The following RBFOX1 variants were observed in gnomAD, a reference collection of about 807,000 sequenced individuals.
The protein encoded by RBFOX1 is RNA binding protein fox-1 homolog 1.
In RBFOX1, 8 loss-of-function variants were observed where a neutral mutation model predicts 57.7. The observed-to-expected ratio is 0.14, with a 90% CI of 0.08 to 0.25. The LOEUF is 0.25. Among genes scored for constraint, RBFOX1 ranks in the 10% least tolerant of loss-of-function variants. RBFOX1 has a pLI of 1.00. For synonymous variants in RBFOX1, 326 were observed against 222.4 expected, an observed-to-expected ratio of 1.47 and a Z score of -4.15; for missense variants, 611 against 548.5, an observed-to-expected ratio of 1.11 and a Z score of -1.14.
At chr16:6,442,273 G>A (rs1312981645) in intron 2 of RBFOX1, among the ~76,000 whole-genome samples, 2 of 152,134 alleles carry the variant, frequency 1.3e-5, no homozygotes, top group East Asian at 3.9e-4. Context: ...AATAAACACT[G>A]TTGGCCGTGC....
intron 14 of RBFOX1, among the ~76,000 whole-genome samples, chr16:7,678,052 C>G (rs979341327): frequency 6.6e-6 from 1 of 152,058 alleles, no homozygotes; most frequent in East Asian, 1.9e-4. Flanking sequence ...TTTTGAAAAC[C>G]CCATGCATAC....
intron 11 of RBFOX1, among the ~76,000 whole-genome samples, chr16:7,632,227 G>C (rs2061089413): frequency 6.6e-6 from 1 of 152,114 alleles, no homozygotes; most frequent in South Asian, 2.1e-4. Context: ...AATCTTTAAT[G>C]GCAATTTTGG....
At chr16:5,455,241 G>T (rs964432879) in intron 1 of RBFOX1, among the ~76,000 whole-genome samples, 1 of 151,930 alleles carries the variant, frequency 6.6e-6, no homozygotes, top group Non-Finnish European at 1.5e-5. Flanking sequence ...GCCTTCACAT[G>T]GCCTTTCTGT....
intron 4 of RBFOX1, among the ~76,000 whole-genome samples, chr16:7,430,522 C>T (rs1379176806): frequency 2.0e-5 from 3 of 152,118 alleles, no homozygotes; most frequent in Non-Finnish European, 2.9e-5. Context: ...ATTAGCCAGC[C>T]GTGGTGGCAC....
intron 2 of RBFOX1, among the ~76,000 whole-genome samples, chr16:6,525,649 C>A (rs1167142210): frequency 6.6e-6 from 1 of 151,994 alleles, no homozygotes; most frequent in South Asian, 2.1e-4. Context: ...CTGGAGAGAA[C>A]CCCGTCTCTA....
chr16:5,934,993 G>C (rs1597855208), intron 4 of RBFOX1, among the ~76,000 whole-genome samples: 3 of 152,166 alleles, frequency 2.0e-5, no homozygotes, highest in Admixed American at 2.0e-4. Flanking sequence ...GATCAGTCCT[G>C]CATCTGCAGA....
At chr16:7,649,660 C>A (rs929144762) in intron 11 of RBFOX1, among the ~76,000 whole-genome samples, 3 of 152,188 alleles carry the variant, frequency 2.0e-5, no homozygotes, top group African/African-American at 4.8e-5. Flanking sequence ...AGAAGGAAGA[C>A]AAACATTGGT....
intron 4 of RBFOX1, among the ~76,000 whole-genome samples, chr16:7,117,984 T>A (rs553349867): frequency 3.3e-5 from 5 of 152,300 alleles, no homozygotes; most frequent in Admixed American, 1.3e-4. Context: ...TCTTATGCAA[T>A]CACTTAGGTT....
intron 4 of RBFOX1, among the ~76,000 whole-genome samples, chr16:7,088,169 G>GT (rs1440675048): frequency 1.3e-5 from 2 of 152,136 alleles, no homozygotes; most frequent in South Asian, 2.1e-4. Flanking sequence ...ACGGTTTTCT[G>GT]TTTTTTGAAA....
intron 1 of RBFOX1, among the ~76,000 whole-genome samples, chr16:6,241,688 G>A (rs2097540924): frequency 6.6e-6 from 1 of 152,142 alleles, no homozygotes; most frequent in African/African-American, 2.4e-5. Context: ...CTGATACTGA[G>A]GAAATAAATC....
chr16:6,779,035 G>C lies in RBFOX1; in HGVS notation c.-16+124385G>C, dbSNP rs2079881168. On this transcript the variant is annotated intron_variant, in intron 3 of 15. Transcript: ENST00000550418. ...CAAACATTCCAAAACTACTACTCTA[G>C]TTATTTTGAAATATACAATGCATTA... is the stretch of plus-strand genomic sequence containing the variant. Among the ~76,000 whole-genome samples the C allele has an allele frequency of 2.6e-5, 4 of 151,858 alleles. No homozygotes were observed. In the South Asian group the frequency reaches 8.3e-4, roughly 31 times the overall value.
intron 4 of RBFOX1, among the ~76,000 whole-genome samples, chr16:7,462,401 G>T (rs2059747849): frequency 6.6e-6 from 1 of 152,212 alleles, no homozygotes; most frequent in Admixed American, 6.5e-5. Context: ...GGGCTGAGGA[G>T]AATCACTTAA....
chr16:7,067,909 TG>T (rs2056479909), intron 4 of RBFOX1, among the ~76,000 whole-genome samples: 1 of 151,634 alleles, frequency 6.6e-6, no homozygotes, highest in Non-Finnish European at 1.5e-5. Flanking sequence ...TGTATTTTAC[TG>T]GGTGTGAGCT....
At chr16:5,403,273 C>T (rs900774526) in intron 1 of RBFOX1, among the ~76,000 whole-genome samples, 1 of 148,908 alleles carries the variant, frequency 6.7e-6, no homozygotes, top group Non-Finnish European at 1.5e-5. Context: ...TCGCTTGAGC[C>T]TGGGAGGTGG....
chr16:5,380,981 C>A (rs925879202), intron 1 of RBFOX1, among the ~76,000 whole-genome samples: 1 of 152,202 alleles, frequency 6.6e-6, no homozygotes, highest in South Asian at 2.1e-4. Context: ...CAATAAAGAT[C>A]TGGATTTTTT....
chr16:7,340,495 T>A (rs2096871775), intron 4 of RBFOX1, among the ~76,000 whole-genome samples: 2 of 152,200 alleles, frequency 1.3e-5, no homozygotes, highest in Admixed American at 6.5e-5. Context: ...TGTCTTCCAC[T>A]CGTGTATTTG....
intron 4 of RBFOX1, among the ~76,000 whole-genome samples, chr16:7,130,032 A>AT (rs58634498): frequency 0.056 from 7,435 of 133,358 alleles, 520 homozygotes; most frequent in African/African-American, 0.16. Flanking sequence ...ATTTTTGAAG[A>AT]TTTTTTTTTT....
intron 4 of RBFOX1, among the ~76,000 whole-genome samples, chr16:7,498,596 T>C (rs1241180995): frequency 2.0e-5 from 3 of 152,168 alleles, no homozygotes; most frequent in East Asian, 1.9e-4. Context: ...CCATTCAACA[T>C]GTAATCAAAC....
chr16:6,511,849 A>T (rs899217710), intron 2 of RBFOX1, among the ~76,000 whole-genome samples: 1 of 152,092 alleles, frequency 6.6e-6, no homozygotes, highest in African/African-American at 2.4e-5. Flanking sequence ...TCTTCTTTTG[A>T]TAATATCTTG....
Sources: allele counts gnomAD v4.1 joint callset (sites outside exome capture counted in the v4.1 genomes callset), GRCh38; gene constraint gnomAD v4.1.1; transcripts MANE v1.5; gene names NCBI Gene and HGNC (gene_info 2026-07-23, HGNC 2026-07-21).